Variants in CRACR2A observed in about 807,000 individuals in gnomAD.
CRACR2A encodes the protein EF-hand calcium-binding domain-containing protein 4B.
Under a neutral mutation model 90.5 loss-of-function variants are expected in CRACR2A, and 79 were observed. That is an observed-to-expected ratio of 0.87 (90% CI 0.73 to 1.05). The LOEUF is 1.05. Among genes scored for constraint, CRACR2A ranks in the 50% least tolerant of loss-of-function variants. CRACR2A has a pLI of 0.00. For synonymous variants in CRACR2A, 338 were observed against 356.7 expected (o/e 0.95, Z 0.59); for missense variants, 823 against 897.2 (o/e 0.92, Z 1.06).
chr12:3,676,379 T>C (rs1945335498), intron 6 of CRACR2A, among the ~76,000 whole-genome samples: 2 of 152,216 alleles, frequency 1.3e-5, no homozygotes, highest in African/African-American at 4.8e-5. Context: ...AGAGACACCA[T>C]GGTGACCTCC....
intron 2 of CRACR2A, among the ~76,000 whole-genome samples, chr12:3,722,530 G>C (rs569122742): frequency 6.6e-6 from 1 of 151,012 alleles, no homozygotes; most frequent in South Asian, 2.1e-4. Flanking sequence ...AGTGTGGAGC[G>C]AGGCTGGCAT....
chr12:3,618,937 T>C (rs1031837884), intron 18 of CRACR2A, among the ~76,000 whole-genome samples: 5 of 152,138 alleles, frequency 3.3e-5, no homozygotes, highest in African/African-American at 1.2e-4. Context: ...CTGGGGGTGA[T>C]CAAGTGGAAA....
At chr12:3,678,856 C>A in intron 6 of CRACR2A, 59 bp downstream of exon 6, 1 of 1,518,506 alleles carries the variant, frequency 6.6e-7, no homozygotes, top group Non-Finnish European at 8.9e-7. Context: ...GTTGAATGGA[C>A]ACAGGAAGAG....
At chr12:3,678,457 G>C (rs1358982758) in intron 6 of CRACR2A, among the ~76,000 whole-genome samples, 1 of 152,132 alleles carries the variant, frequency 6.6e-6, no homozygotes, top group Admixed American at 6.5e-5. Context: ...CCCACAGCTG[G>C]GGCAGCTGGG....
chr12:3,716,626 A>G (rs141877795), intron 2 of CRACR2A, among the ~76,000 whole-genome samples: 64 of 152,316 alleles, frequency 4.2e-4, no homozygotes, highest in African/African-American at 1.5e-3. Flanking sequence ...CATCTTCAAT[A>G]CCATCTCATC....
At chr12:3,649,476 C>G (rs1023898986) in intron 10 of CRACR2A, among the ~76,000 whole-genome samples, 1 of 152,188 alleles carries the variant, frequency 6.6e-6, no homozygotes. Flanking sequence ...CTCCCAAAGT[C>G]TCCAGATATC....
chr12:3,708,127 G>A (rs1453769177), intron 3 of CRACR2A, among the ~76,000 whole-genome samples: 5 of 152,118 alleles, frequency 3.3e-5, no homozygotes, highest in Admixed American at 6.5e-5. Flanking sequence ...CTCTTAGAAG[G>A]TGGACCCTTG....
chr12:3,644,053 T>C (rs1267927511), intron 12 of CRACR2A, among the ~76,000 whole-genome samples: 3 of 144,262 alleles, frequency 2.1e-5, no homozygotes, highest in African/African-American at 5.1e-5. Context: ...ACGACTCATA[T>C]ATATATATAT....
chr12:3,646,370 C>A (rs975209673), intron 11 of CRACR2A, among the ~76,000 whole-genome samples: 2 of 152,160 alleles, frequency 1.3e-5, no homozygotes, highest in South Asian at 2.1e-4. Context: ...AGGGCACAGC[C>A]ATGGTTAGGC....
intron 7 of CRACR2A, among the ~76,000 whole-genome samples, chr12:3,664,574 C>T (rs989835112): frequency 2.6e-5 from 4 of 152,018 alleles, no homozygotes; most frequent in African/African-American, 4.8e-5. Context: ...AAACATTCCC[C>T]GTTTATCTTC....
chr12:3,698,105 A>G (rs1945774021), intron 3 of CRACR2A, among the ~76,000 whole-genome samples: 1 of 152,224 alleles, frequency 6.6e-6, no homozygotes, highest in Non-Finnish European at 1.5e-5. Context: ...GCCACATCAT[A>G]AAATGTTATG....
intron 3 of CRACR2A, among the ~76,000 whole-genome samples, chr12:3,697,702 A>G (rs183101705): frequency 1.4e-4 from 21 of 152,278 alleles, no homozygotes; most frequent in African/African-American, 4.3e-4. Flanking sequence ...CTCTTGCCCA[A>G]TGTCATAGAC....
chr12:3,618,031 G>A (rs1275377247), intron 18 of CRACR2A, among the ~76,000 whole-genome samples: 1 of 152,194 alleles, frequency 6.6e-6, no homozygotes, highest in Non-Finnish European at 1.5e-5. Flanking sequence ...GAATAGTGGG[G>A]AGGGGAGAGA....
intron 3 of CRACR2A, among the ~76,000 whole-genome samples, chr12:3,700,882 A>T (rs1252403587): frequency 1.3e-5 from 2 of 152,164 alleles, no homozygotes; most frequent in Non-Finnish European, 2.9e-5. Context: ...TTTATAGAAC[A>T]CTCCACCCAA....
intron 17 of CRACR2A, among the ~76,000 whole-genome samples, chr12:3,619,750 C>A (rs369745699): frequency 6.6e-6 from 1 of 152,228 alleles, no homozygotes; most frequent in East Asian, 1.9e-4. Flanking sequence ...ACCCTGAGGG[C>A]GTGCCTAATT....
intron 2 of CRACR2A, among the ~76,000 whole-genome samples, chr12:3,717,008 C>G (rs1431960286): frequency 6.6e-6 from 1 of 152,122 alleles, no homozygotes; most frequent in African/African-American, 2.4e-5. Flanking sequence ...AAGTGGATGG[C>G]ACAGGCATTC....
chr12:3,641,872 C>T, intron 12 of CRACR2A, 34 bp from the exon 13 acceptor site: 2 of 1,537,860 alleles, frequency 1.3e-6, no homozygotes, highest in Non-Finnish European at 1.8e-6. Flanking sequence ...AGATCCATGC[C>T]TATTTGCTCC....
chr12:3,638,079 A>C (rs1265089030), intron 14 of CRACR2A, 45 bp downstream of exon 14: 18 of 1,486,224 alleles, frequency 1.2e-5, no homozygotes, highest in Non-Finnish European at 1.6e-5. Context: ...CAAGAGACAG[A>C]TCATAGAAGT....
intron 4 of CRACR2A, among the ~76,000 whole-genome samples, chr12:3,685,240 G>A (rs1006321150): frequency 1.7e-4 from 26 of 152,208 alleles, no homozygotes; most frequent in African/African-American, 7.2e-5. Context: ...AGAAATGCCC[G>A]TTTCTTTTCT....
Sources: allele counts gnomAD v4.1 joint callset (sites outside exome capture counted in the v4.1 genomes callset), GRCh38; gene constraint gnomAD v4.1.1; transcripts MANE v1.5; gene names NCBI Gene and HGNC (gene_info 2026-07-23, HGNC 2026-07-21).